GABRA3: variants seen among roughly 807,000 people sequenced by gnomAD.
The protein encoded by GABRA3 is gamma-aminobutyric acid receptor subunit alpha-3.
In GABRA3, 10 loss-of-function variants were observed where a neutral mutation model predicts 30.1. The observed-to-expected ratio is 0.33, with a 90% confidence interval of 0.20 to 0.56. GABRA3 has a LOEUF of 0.56. Among genes scored for constraint, GABRA3 ranks in the 20% least tolerant of loss-of-function variants. The probability of loss-of-function intolerance (pLI) is 0.89; values close to 1 mark genes in which losing one functional copy is unlikely to be tolerated. For missense variants in GABRA3, 233 were observed against 392.0 expected (o/e 0.59, Z 3.42); for synonymous variants, 151 against 146.8 (o/e 1.03, Z -0.21).
At chrX:152,174,673 T>C (rs745608393) in intron 9 of GABRA3, among the ~76,000 whole-genome samples, 1 of 112,189 alleles carries the variant, frequency 8.9e-6, no homozygotes. Flanking sequence ...TTGAGTTCAT[T>C]GTAGATCCTG....
chrX:152,214,357 A>G (rs1282519260), intron 6 of GABRA3, among the ~76,000 whole-genome samples: 2 of 111,354 alleles, frequency 1.8e-5, no homozygotes, highest in African/African-American at 6.5e-5. Flanking sequence ...ATTTAGGTTG[A>G]TTCCATGACT....
intron 2 of GABRA3, among the ~76,000 whole-genome samples, chrX:152,346,815 G>A (rs1225557030): frequency 8.9e-6 from 1 of 111,748 alleles, no homozygotes; most frequent in Non-Finnish European, 1.9e-5. Context: ...AGATGAAATG[G>A]CTTACATCCA....
At chrX:152,294,198 C>T (rs1939480278) in intron 3 of GABRA3, among the ~76,000 whole-genome samples, 1 of 111,524 alleles carries the variant, frequency 9.0e-6, no homozygotes, top group Admixed American at 9.6e-5. Context: ...GGAAGTTCTC[C>T]TGGATAATAT....
chrX:152,359,867 C>T (rs887831078), intron 2 of GABRA3, among the ~76,000 whole-genome samples: 1 of 111,790 alleles, frequency 8.9e-6, no homozygotes, highest in Non-Finnish European at 1.9e-5. Flanking sequence ...TTAGTAGTAT[C>T]ATGCCTCAAA....
chrX:152,191,826 C>G (rs886789147), intron 8 of GABRA3, among the ~76,000 whole-genome samples: 4 of 111,322 alleles, frequency 3.6e-5, no homozygotes, highest in Non-Finnish European at 7.5e-5. Flanking sequence ...AGGGAGTCAT[C>G]AAGGCTGATT....
chrX:152,284,656 G>C lies in GABRA3; in HGVS notation c.330+12C>G, dbSNP rs1229503361. 1.7e-6 allele frequency: 2 copies of C among 1,154,203 alleles called. No individual in the cohort carries two copies. Among genetic ancestry groups the C allele is most frequent in the East Asian group, 3.1e-5 (1 of 32,523 alleles). The stretch of plus-strand genomic sequence containing the variant: ...TGCATCCTCTTTTACATTTACCTTT[G>C]CAAGAACTTACCATGTCAGTGTCTG... On this transcript the variant is annotated intron_variant, in intron 4 of 9. Coordinates refer to ENST00000370314, the MANE Select transcript of GABRA3 (RefSeq NM_000808.4).
chrX:152,357,131 TA>T (rs1940562583), intron 2 of GABRA3, among the ~76,000 whole-genome samples: 1 of 111,793 alleles, frequency 8.9e-6, no homozygotes, highest in Non-Finnish European at 1.9e-5. Flanking sequence ...CTGGGTCAAA[TA>T]GTAATTCCAT....
chrX:152,404,816 C>T (rs1929888511), intron 1 of GABRA3, among the ~76,000 whole-genome samples: 1 of 105,641 alleles, frequency 9.5e-6, no homozygotes, highest in Non-Finnish European at 1.9e-5. Context: ...TCTGTCAAAT[C>T]ACTAGCTAAG....
At chrX:152,213,465 G>A (rs764234627) in intron 6 of GABRA3, among the ~76,000 whole-genome samples, 1 of 111,524 alleles carries the variant, frequency 9.0e-6, no homozygotes, top group East Asian at 2.8e-4. Context: ...TAGATACAGT[G>A]GTAAGAGAAG....
chrX:152,226,760 C>G (rs1270499599), intron 5 of GABRA3, among the ~76,000 whole-genome samples: 1 of 111,936 alleles, frequency 8.9e-6, no homozygotes, highest in East Asian at 2.8e-4. Context: ...GACATTTATG[C>G]AGCCAAAAAA....
intron 1 of GABRA3, among the ~76,000 whole-genome samples, chrX:152,383,531 G>A (rs751106328): frequency 6.4e-5 from 7 of 109,379 alleles, no homozygotes; most frequent in Non-Finnish European, 1.3e-4. Context: ...CATTTACCAT[G>A]ATCAACTGGC....
intron 4 of GABRA3, among the ~76,000 whole-genome samples, chrX:152,256,425 C>A (rs910637385): frequency 1.8e-5 from 2 of 111,170 alleles, no homozygotes; most frequent in Admixed American, 1.9e-4. Flanking sequence ...TACATTTTAT[C>A]GTACATTTAA....
At chrX:152,301,241 T>A (rs1248828540) in intron 3 of GABRA3, among the ~76,000 whole-genome samples, 1 of 111,871 alleles carries the variant, frequency 8.9e-6, no homozygotes, top group Non-Finnish European at 1.9e-5. Flanking sequence ...CAACCATCAA[T>A]ACCAGAATCC....
At chrX:152,217,456 A>G (rs1413827860) in intron 6 of GABRA3, among the ~76,000 whole-genome samples, 2 of 111,404 alleles carry the variant, frequency 1.8e-5, no homozygotes, top group Non-Finnish European at 3.8e-5. Context: ...TATCAGGGTA[A>G]CACTGGCCTC....
intron 1 of GABRA3, among the ~76,000 whole-genome samples, chrX:152,368,840 G>A (rs1227570634): frequency 2.8e-5 from 3 of 107,273 alleles, no homozygotes; most frequent in Non-Finnish European, 5.8e-5. Context: ...CGAGTAGCTG[G>A]GACTACAGGC....
chrX:152,282,139 T>A (rs921866947), intron 4 of GABRA3, among the ~76,000 whole-genome samples: 15 of 111,918 alleles, frequency 1.3e-4, no homozygotes, highest in Admixed American at 9.5e-4. Flanking sequence ...TGGTGGTGTG[T>A]CAATGTTCAA....
chrX:152,442,703 AG>A (rs2124553251), intron 1 of GABRA3, among the ~76,000 whole-genome samples: 1 of 111,986 alleles, frequency 8.9e-6, no homozygotes, highest in South Asian at 3.7e-4. Context: ...ACAGACTAAA[AG>A]AAATGAAGAA....
chrX:152,188,692 CTAAA>C (rs1432359684), intron 9 of GABRA3, among the ~76,000 whole-genome samples: 3 of 111,710 alleles, frequency 2.7e-5, no homozygotes, highest in Admixed American at 9.5e-5. Context: ...TAAATTTTAT[CTAAA>C]TAGTTAAAAA....
intron 5 of GABRA3, among the ~76,000 whole-genome samples, chrX:152,226,771 C>A (rs1414306555): frequency 8.9e-6 from 1 of 112,014 alleles, no homozygotes; most frequent in Non-Finnish European, 1.9e-5. Context: ...AGCCAAAAAA[C>A]ACATGAAAAA....
Sources: allele counts gnomAD v4.1 joint callset (sites outside exome capture counted in the v4.1 genomes callset), GRCh38; gene constraint gnomAD v4.1.1; transcripts MANE v1.5; gene names NCBI Gene and HGNC (gene_info 2026-07-23, HGNC 2026-07-21).